Variants in STK32B observed in about 807,000 individuals in gnomAD.
The protein encoded by STK32B is serine/threonine-protein kinase 32B.
STK32B carries 43 observed loss-of-function variants against 52.6 expected under a neutral mutation model. The ratio of observed to expected loss-of-function variants is 0.82; its 90% confidence interval spans 0.64 to 1.05. STK32B has a LOEUF of 1.05. Among genes scored for constraint, STK32B ranks in the 50% least tolerant of loss-of-function variants. STK32B has a pLI of 0.00. For synonymous variants in STK32B, 238 were observed against 204.3 expected (o/e 1.17, Z -1.41); for missense variants, 621 against 534.6 (o/e 1.16, Z -1.59).
chr4:5,073,443 T>C (rs1711894060), intron 1 of STK32B, among the ~76,000 whole-genome samples: 1 of 152,048 alleles, frequency 6.6e-6, no homozygotes, highest in Non-Finnish European at 1.5e-5. Flanking sequence ...TATTTTGTAA[T>C]ATATCTTTAT....
chr4:5,364,947 C>T (rs976390786), intron 4 of STK32B, among the ~76,000 whole-genome samples: 12 of 152,276 alleles, frequency 7.9e-5, no homozygotes, highest in Admixed American at 6.5e-4. Flanking sequence ...GCAATCTCGG[C>T]CCACTGCAAC....
chr4:5,085,470 G>A (rs1357559568), intron 1 of STK32B, among the ~76,000 whole-genome samples: 2 of 152,134 alleles, frequency 1.3e-5, no homozygotes. Context: ...TGCTGTAATG[G>A]TTACTTCCCC....
the STK32B span, among the ~76,000 whole-genome samples, chr4:5,036,626 A>G: frequency 6.8e-6 from 1 of 148,024 alleles, no homozygotes; most frequent in African/African-American, 2.5e-5. Flanking sequence ...ACACTGTTTT[A>G]TAATTACATA....
chr4:5,205,699 C>CAG (rs1273911462), intron 3 of STK32B, among the ~76,000 whole-genome samples: 1,006 of 70,962 alleles, frequency 0.014, 17 homozygotes, highest in African/African-American at 0.029. Flanking sequence ...ACCAGGCGCG[C>CAG]GCGCGTGTGT....
chr4:5,176,803 AGATGCCCTTTG>A (rs987157143), intron 3 of STK32B, among the ~76,000 whole-genome samples: 3 of 152,188 alleles, frequency 2.0e-5, no homozygotes, highest in African/African-American at 4.8e-5. Context: ...GATTAGTGAC[AGATGCCCTTTG>A]GTTACATGAC....
chr4:5,280,676 C>T lies in STK32B; in HGVS notation c.261-50544C>T, dbSNP rs199966958. ...TTGGGAGGCCGAGGTGGGTGGGTCACTTGAGGTCAGGAGTTCAAAACCAGC... is the reference window on the plus strand; with the variant it reads ...TTGGGAGGCCGAGGTGGGTGGGTCATTTGAGGTCAGGAGTTCAAAACCAGC... On this transcript the variant is annotated intron_variant, in intron 3 of 11. Coordinates refer to ENST00000282908, the MANE Select transcript of STK32B (RefSeq NM_018401.3). Among the ~76,000 whole-genome samples the T allele has an allele frequency of 5.3e-5, 8 of 152,242 alleles. No homozygotes were observed. In the East Asian group the frequency reaches 1.4e-3, roughly 26 times the overall value.
chr4:5,409,933 T>G (rs927930324), intron 5 of STK32B, among the ~76,000 whole-genome samples: 2 of 152,164 alleles, frequency 1.3e-5, no homozygotes, highest in African/African-American at 2.4e-5. Context: ...GCTGAAAACA[T>G]AGTCTTCCTA....
chr4:5,252,325 T>A (rs1166000026), intron 3 of STK32B, among the ~76,000 whole-genome samples: 1 of 152,230 alleles, frequency 6.6e-6, no homozygotes. Flanking sequence ...CCAATTCTTA[T>A]AAGAACATTG....
At chr4:5,446,869 C>T (rs1715501148) in intron 7 of STK32B, 93 bp downstream of exon 7, 2 of 1,220,090 alleles carry the variant, frequency 1.6e-6, no homozygotes, top group Non-Finnish European at 2.4e-6. Context: ...GCCCGCGGTG[C>T]AGGAAGGAGC....
intron 3 of STK32B, among the ~76,000 whole-genome samples, chr4:5,201,905 A>G (rs1577185826): frequency 6.6e-6 from 1 of 152,224 alleles, no homozygotes; most frequent in Non-Finnish European, 1.5e-5. Flanking sequence ...GTGGGGTCAC[A>G]GAGCCAAACC....
chr4:5,143,101 C>CTCTGTCTG (rs3072779), intron 2 of STK32B, among the ~76,000 whole-genome samples: 2,412 of 135,636 alleles, frequency 0.018, 28 homozygotes, highest in Admixed American at 0.021. Context: ...CTGTCTCTGT[C>CTCTGTCTG]TCTGTCTGTC....
intron 1 of STK32B, among the ~76,000 whole-genome samples, chr4:5,096,412 G>T (rs147881794): frequency 6.6e-6 from 1 of 152,300 alleles, no homozygotes; most frequent in African/African-American, 2.4e-5. Context: ...CCACCGTTGG[G>T]AGTGGCCATG....
intron 5 of STK32B, among the ~76,000 whole-genome samples, chr4:5,405,448 G>A (rs781251853): frequency 2.0e-5 from 3 of 152,168 alleles, no homozygotes; most frequent in Non-Finnish European, 4.4e-5. Flanking sequence ...AAAATTCAAA[G>A]GTTGAAACTG....
At chr4:5,429,610 G>C (rs887124286) in intron 6 of STK32B, among the ~76,000 whole-genome samples, 2 of 151,748 alleles carry the variant, frequency 1.3e-5, no homozygotes, top group Admixed American at 1.3e-4. Flanking sequence ...ATATTTTGCA[G>C]TGGTTAAAAA....
chr4:5,375,778 A>T (rs1414031200), intron 4 of STK32B, among the ~76,000 whole-genome samples: 1 of 152,066 alleles, frequency 6.6e-6, no homozygotes, highest in Non-Finnish European at 1.5e-5. Context: ...TAAGAATGAG[A>T]CGGTAGAAAG....
At chr4:5,086,809 A>C (rs191434036) in intron 1 of STK32B, among the ~76,000 whole-genome samples, 5 of 152,366 alleles carry the variant, frequency 3.3e-5, no homozygotes, top group African/African-American at 1.2e-4. Flanking sequence ...TGCTGAAAAA[A>C]TCTACTGTCA....
At chr4:5,217,129 A>T (rs1723227568) in intron 3 of STK32B, among the ~76,000 whole-genome samples, 2 of 152,192 alleles carry the variant, frequency 1.3e-5, no homozygotes, top group Non-Finnish European at 2.9e-5. Flanking sequence ...CCAATTATGC[A>T]TTGCCTTGTG....
At chr4:5,040,388 A>ATTTTTTTTTTTTTTTTTTTTTTTTTT in the STK32B span, among the ~76,000 whole-genome samples, 1 of 118,732 alleles carries the variant, frequency 8.4e-6, no homozygotes, top group African/African-American at 3.6e-5. Context: ...TGGCAGTAGA[A>ATTTTTTTTTTTTTTTTTTTTTTTTTT]TTTTTTTTTT....
rs116229322 is a variant in STK32B at position 5,266,211 on chromosome 4, C to T, written c.261-65009C>T. ...AACAACAGCATCACCATCATTCGGA[C>T]ACATTTTCTTTGTTTGGATTTTGAC... On this transcript the variant is annotated intron_variant, in intron 3 of 11. Coordinates refer to ENST00000282908, the MANE Select transcript of STK32B (RefSeq NM_018401.3). 3.8e-3 allele frequency among the ~76,000 whole-genome samples: 582 copies of T among 152,294 alleles called. 3 individuals are homozygous for T. The highest frequency in any genetic ancestry group is 6.5e-3 in the Non-Finnish European group (440 of 68,016).
Sources: allele counts gnomAD v4.1 joint callset (sites outside exome capture counted in the v4.1 genomes callset), GRCh38; gene constraint gnomAD v4.1.1; transcripts MANE v1.5; gene names NCBI Gene and HGNC (gene_info 2026-07-23, HGNC 2026-07-21).